The following RANBP3 variants were observed in gnomAD, a reference collection of about 807,000 sequenced individuals.
RANBP3 encodes the protein ran-binding protein 3.
In RANBP3, 14 loss-of-function variants were observed where a neutral mutation model predicts 77.3. The ratio of observed to expected loss-of-function variants is 0.18; its 90% CI spans 0.12 to 0.28. RANBP3 has a LOEUF of 0.28. Ranked by LOEUF, RANBP3 falls within the 10% of genes least tolerant of loss-of-function variation. The probability of loss-of-function intolerance (pLI) is 1.00; values close to 1 mark genes in which losing one functional copy is unlikely to be tolerated. For synonymous variants in RANBP3, 315 were observed against 312.4 expected (o/e 1.01, Z -0.09); for missense variants, 586 against 752.3 (o/e 0.78, Z 2.59).
rs1256616758 is a variant in RANBP3 at position 5,921,624 on chromosome 19, C to T, written c.1210-303G>A. On this transcript the variant is annotated intron_variant, in intron 13 of 16. Transcript: ENST00000340578. This position sits in a 1 kb window ranked among gnomAD's most constrained non-coding sequence, Gnocchi z 5.3. ...AGCTGGAACCCTCACACACTGCTGGCGGGAAGGCCGCATGGTGCCACTGCT... is the reference window on the plus strand; with the variant it reads ...AGCTGGAACCCTCACACACTGCTGGTGGGAAGGCCGCATGGTGCCACTGCT... Among the ~76,000 whole-genome samples, 3 of 152,260 alleles carry T rather than the reference C, an allele frequency of 2.0e-5. No homozygotes were observed. Among genetic ancestry groups the T allele is most frequent in the African/African-American group, 4.8e-5 (2 of 41,474 alleles).
At chr19:5,944,912 G>GA (rs1196182173) in intron 3 of RANBP3, among the ~76,000 whole-genome samples, 1 of 152,188 alleles carries the variant, frequency 6.6e-6, no homozygotes, top group African/African-American at 2.4e-5. Flanking sequence ...GGTCCTGGGG[G>GA]ATCTGTCCCT....
At chr19:5,946,735 G>T (rs537313608) in intron 3 of RANBP3, among the ~76,000 whole-genome samples, 35 of 152,332 alleles carry the variant, frequency 2.3e-4, no homozygotes, top group African/African-American at 8.2e-4. Context: ...GTTGGAACTT[G>T]CTGTCCAGCT....
intron 14 of RANBP3, among the ~76,000 whole-genome samples, chr19:5,919,897 G>A (rs1393688419): frequency 2.2e-5 from 2 of 89,180 alleles, no homozygotes; most frequent in Admixed American, 1.4e-4. Flanking sequence ...GCAAAACTCC[G>A]TCTCAAAAAA....
At position 5,955,944 on chromosome 19, in the gene RANBP3, A is replaced by AT. The variant is rs910578058; in HGVS notation, c.78+1973dup. On this transcript the variant is annotated intron_variant, in intron 2 of 16. Coordinates refer to ENST00000340578, the MANE Select transcript of RANBP3 (RefSeq NM_007322.3). Reference sequence around the variant, plus strand: ...CAGCAAGACACCATCTCTAAAAAAAATTTTTTTTTTTCAAATTAGCCAGGT... The same window carrying AT: ...CAGCAAGACACCATCTCTAAAAAAAATTTTTTTTTTTTCAAATTAGCCAGGT... 5.3e-4 allele frequency among the ~76,000 whole-genome samples: 79 copies of AT among 149,550 alleles called. No individual in the cohort carries two copies. In the East Asian group the frequency reaches 7.7e-3, roughly 14 times the overall value.
intron 12 of RANBP3, 128 bp from the exon 13 acceptor site, chr19:5,923,431 C>T (rs1395251330): frequency 3.6e-6 from 3 of 844,628 alleles, no homozygotes; most frequent in African/African-American, 1.7e-5. Flanking sequence ...GGCAGGCCTG[C>T]CCCGGCAACC....
intron 3 of RANBP3, among the ~76,000 whole-genome samples, chr19:5,942,929 G>A (rs1468975170): frequency 6.6e-6 from 1 of 152,006 alleles, no homozygotes; most frequent in Non-Finnish European, 1.5e-5. Context: ...CAGGGAGGCT[G>A]AGGCAGGAGG....
At chr19:5,938,730 T>C (rs777101899) in intron 5 of RANBP3, among the ~76,000 whole-genome samples, 2 of 152,096 alleles carry the variant, frequency 1.3e-5, no homozygotes, top group Non-Finnish European at 2.9e-5. Flanking sequence ...TGATTAAACA[T>C]ATTTATCTAG....
chr19:5,927,013 T>G, intron 9 of RANBP3, among the ~76,000 whole-genome samples: 1 of 152,170 alleles, frequency 6.6e-6, no homozygotes, highest in South Asian at 2.1e-4. Flanking sequence ...TCCTGGGCAC[T>G]GCAAGGGGCG....
intron 13 of RANBP3, among the ~76,000 whole-genome samples, chr19:5,922,157 G>A (rs991311612): frequency 2.2e-4 from 33 of 148,694 alleles, no homozygotes; most frequent in African/African-American, 7.8e-4. Context: ...CTGACTCTGT[G>A]AATATACTAG....
At chr19:5,922,815 C>T (rs928015237) in intron 13 of RANBP3, among the ~76,000 whole-genome samples, 4 of 152,202 alleles carry the variant, frequency 2.6e-5, no homozygotes, top group Non-Finnish European at 5.9e-5. Context: ...TGGTGCACAC[C>T]TGTAATCCCA....
chr19:5,918,891 G>C (rs539324466), intron 14 of RANBP3, among the ~76,000 whole-genome samples: 1 of 152,364 alleles, frequency 6.6e-6, no homozygotes, highest in East Asian at 1.9e-4. Flanking sequence ...ACAGGCTGGT[G>C]CTGCAGATCA....
At chr19:5,969,539 G>C (rs2058506477) in intron 1 of RANBP3, among the ~76,000 whole-genome samples, 1 of 152,186 alleles carries the variant, frequency 6.6e-6, no homozygotes, top group African/African-American at 2.4e-5. Context: ...CCCTTTCTTT[G>C]AACACCATAA....
intron 1 of RANBP3, chr19:5,976,681 T>G: frequency 6.6e-6 from 1 of 152,202 alleles, no homozygotes; most frequent in East Asian, 1.9e-4. Context: ...GAGGCGGAGA[T>G]TGCAGTGAGC....
intron 3 of RANBP3, among the ~76,000 whole-genome samples, chr19:5,947,007 A>G (rs1235020925): frequency 1.3e-5 from 2 of 152,234 alleles, no homozygotes; most frequent in Non-Finnish European, 2.9e-5. Flanking sequence ...ACCAGAGCTC[A>G]GGAGGATTTT....
Position 5,971,303 on chromosome 19 carries a change from G to T in RANBP3, c.22+6758C>A, listed in dbSNP as rs902679621. On this transcript the variant is annotated intron_variant, in intron 1 of 16. Transcript: ENST00000340578. ...TTACATTTTGACAAATGTCTTTAAC[G>T]TCTGACTTAATAGAAGATAGCTGAA... 2.6e-5 allele frequency among the ~76,000 whole-genome samples: 4 copies of T among 152,018 alleles called. No individual in the cohort carries two copies. The South Asian group carries it at 8.3e-4, about 31-fold the overall frequency.
intron 7 of RANBP3, 118 bp downstream of exon 7, chr19:5,932,334 T>C (rs1568454787): frequency 1.3e-6 from 1 of 774,276 alleles, no homozygotes; most frequent in African/African-American, 1.7e-5. Flanking sequence ...CCCTGATCTC[T>C]CTGTATTTCT....
chr19:5,956,063 C>T (rs999024878), intron 2 of RANBP3, among the ~76,000 whole-genome samples: 5 of 152,008 alleles, frequency 3.3e-5, no homozygotes, highest in African/African-American at 7.3e-5. Context: ...ATTATGATCA[C>T]GATCCTGCAC....
intron 2 of RANBP3, among the ~76,000 whole-genome samples, chr19:5,954,165 T>C (rs1028970364): frequency 2.0e-5 from 3 of 152,160 alleles, no homozygotes; most frequent in Non-Finnish European, 4.4e-5. Context: ...GCTGTCTCCT[T>C]TGAATGGCGT....
Position 5,917,529 on chromosome 19 carries a change from G to A in RANBP3, c.*81C>T. 5.5e-6 allele frequency: 8 copies of A among 1,451,088 alleles called. No homozygotes were observed. Among genetic ancestry groups the A allele is most frequent in the South Asian group, 2.7e-5 (2 of 74,774 alleles). 89.9% of individuals were successfully genotyped at this position (1,451,088 alleles called of 1,614,324 possible). On this transcript the variant is annotated 3_prime_UTR_variant, in exon 17 of 17. Coordinates refer to ENST00000340578, the MANE Select transcript of RANBP3 (RefSeq NM_007322.3). The stretch of plus-strand genomic sequence containing the variant: ...GTGGTTCCCGGCCCCGCACCTGGAC[G>A]CTGCCGGTGGGGTGGGGGCGGGTGG...
Sources: allele counts gnomAD v4.1 joint callset (sites outside exome capture counted in the v4.1 genomes callset), GRCh38; gene constraint gnomAD v4.1.1; non-coding constraint Gnocchi (gnomAD v3.1); transcripts MANE v1.5; gene names NCBI Gene and HGNC (gene_info 2026-07-23, HGNC 2026-07-21).